The following NR3C2 variants were observed in gnomAD, a reference collection of about 807,000 sequenced individuals.
NR3C2 encodes nuclear receptor subfamily 3 group C member 2.
Under a neutral mutation model 86.4 loss-of-function variants are expected in NR3C2, and 15 were observed. The observed-to-expected ratio is 0.17, with a 90% confidence interval of 0.12 to 0.27. NR3C2 has a LOEUF of 0.27. NR3C2 is among the 10% of genes least tolerant of loss of function. The pLI is 1.00. For missense variants in NR3C2, 960 were observed against 1,195.6 expected (o/e 0.80, Z 2.91); for synonymous variants, 458 against 450.5 (o/e 1.02, Z -0.21).
chr4:148,243,729 A>G (rs1739175619), intron 3 of NR3C2, among the ~76,000 whole-genome samples: 1 of 152,232 alleles, frequency 6.6e-6, no homozygotes, highest in Admixed American at 6.5e-5. Flanking sequence ...GAAAATATAC[A>G]ATGACACATT....
At chr4:148,183,448 A>T (rs1275393568) in intron 4 of NR3C2, among the ~76,000 whole-genome samples, 1 of 152,188 alleles carries the variant, frequency 6.6e-6, no homozygotes. Flanking sequence ...ACAGTGTAAA[A>T]GCATTCCTAT....
chr4:148,167,592 G>C (rs1324181796), intron 4 of NR3C2, among the ~76,000 whole-genome samples: 1 of 152,162 alleles, frequency 6.6e-6, no homozygotes, highest in Non-Finnish European at 1.5e-5. Flanking sequence ...AGTTTCTGAA[G>C]TATTACGCTT....
intron 2 of NR3C2, among the ~76,000 whole-genome samples, chr4:148,304,328 C>CTTTTTT (rs35633620): frequency 2.4e-5 from 2 of 83,880 alleles, no homozygotes; most frequent in Non-Finnish European, 2.3e-5. Flanking sequence ...GTTGTTGTTG[C>CTTTTTT]TTTTTTTTTT....
rs10708334 is a variant in NR3C2, at chr4:148,080,865, A to AT, written c.*478dup. On this transcript the variant is annotated 3_prime_UTR_variant, in exon 9 of 9. Coordinates refer to ENST00000358102, the MANE Select transcript of NR3C2 (RefSeq NM_000901.5). The stretch of plus-strand genomic sequence containing the variant: ...TATTACACAACAGGAATCTGTATAT[A>AT]TTTTTTTATTATTTTTTTGTGTTTT... The AT allele has an allele frequency of 1.7e-5, 6 of 363,288 alleles. No homozygotes were observed. Among genetic ancestry groups the AT allele is most frequent in the African/African-American group, 8.6e-5 (4 of 46,688 alleles). 22.5% of individuals were successfully genotyped at this position (363,288 alleles called of 1,614,324 possible).
rs61764228 is a variant in NR3C2 at position 148,099,454 on chromosome 4, G to A, written c.2799+14650C>T. On this transcript the variant is annotated intron_variant, in intron 8 of 8. Transcript: ENST00000358102. ...TCCCTCCTGCCTCATTTATGAGCCC[G>A]TGAAAATGCATTTAATCACCCCATC... 3.4e-3 allele frequency among the ~76,000 whole-genome samples: 517 copies of A among 152,234 alleles called. 2 individuals carry two copies. The highest frequency in any genetic ancestry group is 0.012 in the African/African-American group (480 of 41,546).
chr4:148,431,335 A>G (rs1436124625), intron 2 of NR3C2, among the ~76,000 whole-genome samples: 1 of 152,168 alleles, frequency 6.6e-6, no homozygotes, highest in Non-Finnish European at 1.5e-5. Context: ...TTGAAACTAA[A>G]TTAGCAAGTA....
At chr4:148,187,333 G>A (rs1033245578) in intron 4 of NR3C2, among the ~76,000 whole-genome samples, 1 of 151,958 alleles carries the variant, frequency 6.6e-6, no homozygotes, top group African/African-American at 2.4e-5. Flanking sequence ...CAGTGTAGAA[G>A]TGTTCCCTGT....
At chr4:148,337,036 C>T (rs1487952865) in intron 2 of NR3C2, among the ~76,000 whole-genome samples, 1 of 152,146 alleles carries the variant, frequency 6.6e-6, no homozygotes, top group Non-Finnish European at 1.5e-5. Flanking sequence ...CTCAAGTGAT[C>T]CTCCCACTGT....
At chr4:148,173,766 C>T (rs1735242588) in intron 4 of NR3C2, among the ~76,000 whole-genome samples, 2 of 152,168 alleles carry the variant, frequency 1.3e-5, no homozygotes, top group Non-Finnish European at 2.9e-5. Context: ...AATGAGAGGC[C>T]CTTGTTGTAG....
At chr4:148,229,987 C>A (rs1052708206) in intron 3 of NR3C2, among the ~76,000 whole-genome samples, 5 of 152,136 alleles carry the variant, frequency 3.3e-5, no homozygotes, top group African/African-American at 1.2e-4. Context: ...CAACTGTTCA[C>A]AAGTGACCAT....
At chr4:148,397,260 G>C (rs973624530) in intron 2 of NR3C2, among the ~76,000 whole-genome samples, 1 of 152,232 alleles carries the variant, frequency 6.6e-6, no homozygotes, top group African/African-American at 2.4e-5. Flanking sequence ...TGACACCAAG[G>C]CCTCTGCCTG....
intron 2 of NR3C2, among the ~76,000 whole-genome samples, chr4:148,412,700 A>G (rs145635727): frequency 5.1e-4 from 77 of 152,296 alleles, no homozygotes; most frequent in African/African-American, 1.8e-3. Context: ...TCTTTTACTT[A>G]TTTATATTTT....
intron 6 of NR3C2, among the ~76,000 whole-genome samples, chr4:148,151,914 T>A (rs77797452): frequency 2.6e-5 from 4 of 152,338 alleles, no homozygotes; most frequent in African/African-American, 4.8e-5. Flanking sequence ...AAAAACTGAT[T>A]ACGATTCTTT....
At chr4:148,156,421 A>C (rs1734389506) in intron 4 of NR3C2, among the ~76,000 whole-genome samples, 1 of 152,140 alleles carries the variant, frequency 6.6e-6, no homozygotes, top group Non-Finnish European at 1.5e-5. Context: ...TACAAGAAAA[A>C]AACAAACAAC....
Position 148,296,313 on chromosome 4 carries a change from A to G in NR3C2, c.1758-36196T>C, listed in dbSNP as rs545496772. Among the ~76,000 whole-genome samples, 3 of 152,300 alleles carry G rather than the reference A, an allele frequency of 2.0e-5. No individual in the cohort carries two copies. The East Asian group carries it at 5.8e-4, about 29-fold the overall frequency. On this transcript the variant is annotated intron_variant, in intron 2 of 8. Transcript: ENST00000358102. The stretch of plus-strand genomic sequence containing the variant: ...CATTTCTGGGAATTGACCCAAAAAA[A>G]GCAGTAGTCACAATTATTCTTTAAG...
intron 2 of NR3C2, among the ~76,000 whole-genome samples, chr4:148,282,831 T>A (rs936335671): frequency 6.6e-6 from 1 of 151,884 alleles, no homozygotes; most frequent in Admixed American, 6.6e-5. Context: ...GGAAGGGATA[T>A]AAGAGAGGGA....
At chr4:148,198,064 C>T (rs1736524426) in intron 3 of NR3C2, among the ~76,000 whole-genome samples, 1 of 151,860 alleles carries the variant, frequency 6.6e-6, no homozygotes, top group Non-Finnish European at 1.5e-5. Context: ...ATGCTCAGGT[C>T]AGTTAGTGCA....
chr4:148,194,074 A>G (rs1246951992), intron 4 of NR3C2, among the ~76,000 whole-genome samples: 1 of 152,226 alleles, frequency 6.6e-6, no homozygotes, highest in Admixed American at 6.5e-5. Flanking sequence ...ATGCTTTCCT[A>G]TCTGGTAGAG....
At chr4:148,157,162 G>C (rs1486842475) in intron 4 of NR3C2, among the ~76,000 whole-genome samples, 2 of 110,816 alleles carry the variant, frequency 1.8e-5, no homozygotes, top group Non-Finnish European at 1.8e-5. Flanking sequence ...TTGTGGGGTG[G>C]GGGGAGGGGG....
Sources: gnomAD v4.1 joint callset for allele counts (sites outside exome capture counted in the v4.1 genomes callset) on GRCh38, gnomAD v4.1.1 for gene constraint, MANE v1.5 for transcripts, NCBI Gene and HGNC (gene_info 2026-07-23, HGNC 2026-07-21) for gene names.